The following TOMM20L variants were observed in gnomAD, a reference collection of about 807,000 sequenced individuals.
TOMM20L encodes the protein translocase of outer mitochondrial membrane 20 like.
In TOMM20L, 19 loss-of-function variants were observed where a neutral mutation model predicts 20.4. The ratio of observed to expected loss-of-function variants is 0.93; its 90% CI spans 0.65 to 1.36. The LOEUF (loss-of-function observed/expected upper bound fraction) is 1.36, where lower values mean the gene tolerates loss of function less well. Ranked by LOEUF, TOMM20L falls within the 40% of genes most tolerant of loss-of-function variation. The pLI, the probability that TOMM20L is intolerant of heterozygous loss-of-function variation, is 0.00. For missense variants in TOMM20L, 218 were observed against 203.7 expected (o/e 1.07, Z -0.43); for synonymous variants, 75 against 79.6 (o/e 0.94, Z 0.30).
chr14:58,402,007 A>C (rs1425768798), intron 2 of TOMM20L, among the ~76,000 whole-genome samples: 1 of 152,216 alleles, frequency 6.6e-6, no homozygotes, highest in African/African-American at 2.4e-5. Flanking sequence ...CATGCAACCA[A>C]ATCAACAGGC....
At chr14:58,400,386 C>T (rs1195385566) in intron 2 of TOMM20L, among the ~76,000 whole-genome samples, 2 of 147,030 alleles carry the variant, frequency 1.4e-5, no homozygotes, top group East Asian at 2.0e-4. Context: ...CACACCACTG[C>T]ACTCCAGCCT....
downstream of TOMM20L, chr14:58,408,710 G>T: frequency 1.2e-6 from 1 of 866,518 alleles, no homozygotes; most frequent in Non-Finnish European, 1.7e-6. Context: ...ATACATGATC[G>T]AACACATAAG....
chr14:58,404,592 C>G (rs1207532291), intron 3 of TOMM20L, among the ~76,000 whole-genome samples: 1 of 151,932 alleles, frequency 6.6e-6, no homozygotes, highest in Non-Finnish European at 1.5e-5. Flanking sequence ...CTAGACAACT[C>G]ACAGCAATGA....
chr14:58,411,624 C>G (rs2036219783), downstream of TOMM20L, among the ~76,000 whole-genome samples: 1 of 151,890 alleles, frequency 6.6e-6, no homozygotes. Context: ...ACTGCAGCCT[C>G]TGCTTCCTGG....
intron 2 of TOMM20L, among the ~76,000 whole-genome samples, chr14:58,399,779 T>C (rs2035968797): frequency 6.6e-6 from 1 of 150,960 alleles, no homozygotes; most frequent in Admixed American, 6.6e-5. Context: ...CTTATGATGC[T>C]CCTGGTATCA....
In TOMM20L at chr14:58,396,067, C is replaced by T. The variant is rs751582992; in HGVS notation, c.110C>T (p.Pro37Leu). ...IYLNRKRRGD[P>L]AFKRRLRDKR... is the part of the protein sequence containing the mutation. ...CTCAACCGGAAGCGGCGCGGGGACC[C>T]CGCGTTCAAGCGCCGCCTGCGGGAC... is the stretch of plus-strand genomic sequence containing the variant. Residue 37 changes from proline (P) to leucine (L), a missense_variant, in exon 1 of 5, where the codon CCC becomes CTC. Physicochemically the swap from Pro to Leu is moderately conservative, Grantham distance 98. Coordinates refer to ENST00000360945, the MANE Select transcript of TOMM20L (RefSeq NM_207377.3). The T allele has an allele frequency of 7.1e-7, 1 of 1,408,530 alleles. No homozygotes were observed. Among genetic ancestry groups the T allele is most frequent in the Non-Finnish European group, 9.3e-7 (1 of 1,076,914 alleles). The allele number at this position is 1,408,530 out of a possible 1,614,324, so 87.3% of individuals were successfully genotyped here.
At chr14:58,407,183 A>G in intron 3 of TOMM20L, 143 bp from the exon 4 acceptor site, 2 of 717,122 alleles carry the variant, frequency 2.8e-6, no homozygotes, top group Non-Finnish European at 4.4e-6. Flanking sequence ...TCATATTTGT[A>G]CTCTACTCTT....
chr14:58,408,471 C>A lies in TOMM20L; in HGVS notation c.406-58C>A. 7.4e-6 allele frequency: 11 copies of A among 1,493,366 alleles called. No homozygotes were observed. In the South Asian group the frequency reaches 1.2e-4, roughly 16 times the overall value. The allele number at this position is 1,493,366 out of a possible 1,614,324, so 92.5% of individuals were successfully genotyped here. ...AATGCCCACCCTGACACAAGGGAGG[C>A]AAGAAAAGGATCATGCATTGAAATG... is the stretch of plus-strand genomic sequence containing the variant. On this transcript the variant is annotated intron_variant, in intron 4 of 4. Coordinates refer to ENST00000360945, the MANE Select transcript of TOMM20L (RefSeq NM_207377.3).
At chr14:58,405,793 C>G (rs1156762257) in intron 3 of TOMM20L, among the ~76,000 whole-genome samples, 2 of 152,230 alleles carry the variant, frequency 1.3e-5, no homozygotes, top group African/African-American at 4.8e-5. Context: ...CGTGAGCCAC[C>G]ACACCCACCC....
chr14:58,404,420 C>G lies in TOMM20L; in HGVS notation c.262+1659C>G, dbSNP rs183299722. 7.0e-3 allele frequency among the ~76,000 whole-genome samples: 1,068 copies of G among 151,512 alleles called. 37 individuals carry two copies. The highest frequency in any genetic ancestry group is 0.064 in the Admixed American group (977 of 15,176). On this transcript the variant is annotated intron_variant, in intron 3 of 4. Coordinates refer to ENST00000360945, the MANE Select transcript of TOMM20L (RefSeq NM_207377.3). ...CTGGGATTACAGGCGTGAGCCACCG[C>G]GCCCGGCCATATATTTTTTAAGTGT...
chr14:58,403,970 T>C (rs2036021813), intron 3 of TOMM20L, among the ~76,000 whole-genome samples: 1 of 147,962 alleles, frequency 6.8e-6, no homozygotes, highest in South Asian at 2.1e-4. Flanking sequence ...ATAATCATAA[T>C]GTCCTTATTC....
chr14:58,404,099 G>GTGTGTATGTA (rs1408980666), intron 3 of TOMM20L, among the ~76,000 whole-genome samples: 1 of 22,928 alleles, frequency 4.4e-5, no homozygotes, highest in Non-Finnish European at 8.3e-5. Flanking sequence ...ACATATATAT[G>GTGTGTATGTA]TATATATATA....
At position 58,399,639 on chromosome 14, in the gene TOMM20L, A is replaced by G. The variant is rs534016383; in HGVS notation, c.181-3041A>G. On this transcript the variant is annotated intron_variant, in intron 2 of 4. Coordinates refer to ENST00000360945, the MANE Select transcript of TOMM20L (RefSeq NM_207377.3). Reference sequence around the variant, plus strand: ...AGTGATTTCAAATGTACTACTCTAGACCTGGTGTCCCAAGTTTCATCTGCC... The same window carrying G: ...AGTGATTTCAAATGTACTACTCTAGGCCTGGTGTCCCAAGTTTCATCTGCC... Among the ~76,000 whole-genome samples, 11 of 151,712 alleles carry G rather than the reference A, an allele frequency of 7.3e-5. No homozygotes were observed. The South Asian group carries it at 2.3e-3, about 32-fold the overall frequency.
chr14:58,404,135 T>TTTTTTTG, intron 3 of TOMM20L, among the ~76,000 whole-genome samples: 1 of 6,418 alleles, frequency 1.6e-4, no homozygotes, highest in African/African-American at 2.5e-4. Flanking sequence ...TTTTTTTTTT[T>TTTTTTTG]TTTTTTTTTT....
At chr14:58,414,736 CA>C in the TOMM20L span, among the ~76,000 whole-genome samples, 10 of 117,552 alleles carry the variant, frequency 8.5e-5, no homozygotes, top group African/African-American at 2.3e-4. Context: ...GACGCCATCT[CA>C]AAAAAAAAAA....
chr14:58,402,137 A>G (rs1473615792), intron 2 of TOMM20L, among the ~76,000 whole-genome samples: 1 of 152,202 alleles, frequency 6.6e-6, no homozygotes, highest in Non-Finnish European at 1.5e-5. Flanking sequence ...AGAGTTATTT[A>G]TTATAAGCAT....
chr14:58,413,953 G>C, the TOMM20L span, among the ~76,000 whole-genome samples: 1 of 132,834 alleles, frequency 7.5e-6, no homozygotes, highest in Non-Finnish European at 1.5e-5. Flanking sequence ...CTTGCAGTGA[G>C]CCGAGATTGC....
intron 2 of TOMM20L, among the ~76,000 whole-genome samples, chr14:58,401,690 G>A (rs2035995364): frequency 6.6e-6 from 1 of 152,170 alleles, no homozygotes. Flanking sequence ...GTAACTGGCA[G>A]TGGAGTTGAT....
chr14:58,410,654 T>C (rs2036185520), downstream of TOMM20L, among the ~76,000 whole-genome samples: 1 of 152,224 alleles, frequency 6.6e-6, no homozygotes, highest in Non-Finnish European at 1.5e-5. Context: ...ACAATGTAAC[T>C]GTCATTAAAT....
Sources: allele counts gnomAD v4.1 joint callset (sites outside exome capture counted in the v4.1 genomes callset), GRCh38; gene constraint gnomAD v4.1.1; transcripts MANE v1.5; gene names NCBI Gene and HGNC (gene_info 2026-07-23, HGNC 2026-07-21).